The following VAT1L variants were observed in gnomAD, a reference collection of about 807,000 sequenced individuals.
The protein encoded by VAT1L is putative NADPH-dependent quinone oxidoreductase VAT1L.
VAT1L carries 34 observed loss-of-function variants against 44.1 expected under a neutral mutation model. The ratio of observed to expected loss-of-function variants is 0.77; its 90% CI spans 0.59 to 1.03. The LOEUF (loss-of-function observed/expected upper bound fraction) is 1.03. Ranked by LOEUF, VAT1L falls within the 50% of genes least tolerant of loss-of-function variation. The pLI is 0.00. For missense variants in VAT1L, 615 were observed against 538.8 expected (o/e 1.14, Z -1.40); for synonymous variants, 253 against 202.2 (o/e 1.25, Z -2.13).
At chr16:77,828,532 G>A (rs1010372627) in intron 3 of VAT1L, among the ~76,000 whole-genome samples, 14 of 152,278 alleles carry the variant, frequency 9.2e-5, no homozygotes, top group Non-Finnish European at 1.6e-4. Flanking sequence ...GCATGGTGGC[G>A]CATGCCTGTA....
At chr16:77,944,675 CATT>C (rs2017937060) in intron 7 of VAT1L, among the ~76,000 whole-genome samples, 1 of 152,094 alleles carries the variant, frequency 6.6e-6, no homozygotes, top group Non-Finnish European at 1.5e-5. Context: ...CAAACATAAT[CATT>C]ATCATCATTA....
At chr16:77,909,217 A>C (rs1216787299) in intron 7 of VAT1L, among the ~76,000 whole-genome samples, 6 of 152,210 alleles carry the variant, frequency 3.9e-5, no homozygotes. Context: ...ACACAGTAAG[A>C]CATGAAAGAC....
intron 7 of VAT1L, among the ~76,000 whole-genome samples, chr16:77,963,091 A>T (rs2018181257): frequency 6.6e-6 from 1 of 152,226 alleles, no homozygotes; most frequent in Non-Finnish European, 1.5e-5. Context: ...TCAGATGCTT[A>T]ACAGACATCT....
intron 3 of VAT1L, among the ~76,000 whole-genome samples, chr16:77,840,961 A>C (rs566091404): frequency 6.6e-6 from 1 of 152,318 alleles, no homozygotes; most frequent in Non-Finnish European, 1.5e-5. Context: ...CTTGTTATAC[A>C]CTTTTTCACT....
chr16:77,914,223 A>G (rs974477850), intron 7 of VAT1L, among the ~76,000 whole-genome samples: 2 of 152,260 alleles, frequency 1.3e-5, no homozygotes. Context: ...ATATAAACTA[A>G]TGATTTAAAA....
intron 7 of VAT1L, among the ~76,000 whole-genome samples, chr16:77,962,182 C>T (rs532125559): frequency 2.0e-4 from 30 of 152,250 alleles, no homozygotes; most frequent in Admixed American, 1.6e-3. Flanking sequence ...GATCCCAGCC[C>T]GTGGTCAGTC....
intron 1 of VAT1L, among the ~76,000 whole-genome samples, chr16:77,813,772 C>G (rs764105306): frequency 1.3e-5 from 2 of 152,164 alleles, no homozygotes; most frequent in African/African-American, 2.4e-5. Flanking sequence ...ACAGAGAACA[C>G]CCAGTTCTTG....
chr16:77,843,301 G>A (rs2016725717), intron 3 of VAT1L, among the ~76,000 whole-genome samples: 1 of 152,048 alleles, frequency 6.6e-6, no homozygotes, highest in Non-Finnish European at 1.5e-5. Flanking sequence ...GAGGGCAGGG[G>A]TGAAGCTCAT....
chr16:77,969,049 C>G (rs945046844), intron 7 of VAT1L, among the ~76,000 whole-genome samples: 1 of 152,138 alleles, frequency 6.6e-6, no homozygotes, highest in South Asian at 2.1e-4. Context: ...GAACTCCTAA[C>G]CTCAAGTGAT....
At chr16:77,801,931 C>T (rs967837476) in intron 1 of VAT1L, among the ~76,000 whole-genome samples, 2 of 152,140 alleles carry the variant, frequency 1.3e-5, no homozygotes, top group Admixed American at 6.5e-5. Context: ...TCTGACTCAA[C>T]GTTTTGCAGC....
At chr16:77,870,943 G>T (rs189567896) in intron 4 of VAT1L, among the ~76,000 whole-genome samples, 1 of 152,194 alleles carries the variant, frequency 6.6e-6, no homozygotes, top group East Asian at 1.9e-4. Flanking sequence ...ACTGAGGCAG[G>T]GTCAGTCCCA....
intron 4 of VAT1L, among the ~76,000 whole-genome samples, chr16:77,864,700 T>C (rs1212130150): frequency 3.9e-5 from 6 of 152,226 alleles, no homozygotes; most frequent in Non-Finnish European, 8.8e-5. Context: ...GTGATAGTTT[T>C]AGAACAGATT....
chr16:77,921,516 C>T (rs963459681), intron 7 of VAT1L, among the ~76,000 whole-genome samples: 13 of 152,160 alleles, frequency 8.5e-5, no homozygotes, highest in African/African-American at 2.7e-4. Flanking sequence ...TAATTAGTTA[C>T]ATTCCTATTT....
chr16:77,923,950 C>T (rs76662870), intron 7 of VAT1L, among the ~76,000 whole-genome samples: 1 of 150,882 alleles, frequency 6.6e-6, no homozygotes, highest in Non-Finnish European at 1.5e-5. Context: ...GGTCTGCCTT[C>T]CCCCCCTCCC....
At chr16:77,829,264 A>C (rs1353363578) in intron 3 of VAT1L, among the ~76,000 whole-genome samples, 1 of 152,192 alleles carries the variant, frequency 6.6e-6, no homozygotes, top group East Asian at 1.9e-4. Flanking sequence ...ATATTTGCTA[A>C]CTTGGTGTCG....
intron 2 of VAT1L, 54 bp from the exon 3 acceptor site, chr16:77,825,192 T>C: frequency 6.2e-7 from 1 of 1,600,320 alleles, no homozygotes; most frequent in Non-Finnish European, 8.6e-7. Context: ...TGTTCTCTCC[T>C]TGAGCCTCTG....
intron 7 of VAT1L, among the ~76,000 whole-genome samples, chr16:77,934,602 A>C (rs2017770557): frequency 2.0e-5 from 3 of 152,294 alleles, no homozygotes; most frequent in Non-Finnish European, 1.5e-5. Flanking sequence ...GGTTTAAGCC[A>C]CTAAGTCTGT....
chr16:77,851,888 T>C lies in VAT1L; in HGVS notation c.580-10860T>C, dbSNP rs183759338. 3.6e-4 allele frequency among the ~76,000 whole-genome samples: 55 copies of C among 152,270 alleles called. No homozygotes were observed. The East Asian group carries it at 9.7e-3, about 27-fold the overall frequency. On this transcript the variant is annotated intron_variant, in intron 3 of 8. Transcript: ENST00000302536. ...CGTGTTTCCCCAGTGCTGAGCGCCATCACACAGGACCCTCGGAGATTCTGC... is the reference window on the plus strand; with the variant it reads ...CGTGTTTCCCCAGTGCTGAGCGCCACCACACAGGACCCTCGGAGATTCTGC...
At chr16:77,939,402 G>C (rs867190385) in intron 7 of VAT1L, among the ~76,000 whole-genome samples, 2 of 152,146 alleles carry the variant, frequency 1.3e-5, no homozygotes, top group African/African-American at 4.8e-5. Flanking sequence ...GGGCGGGGTG[G>C]GGACGGTGGG....
Sources: allele counts gnomAD v4.1 joint callset (sites outside exome capture counted in the v4.1 genomes callset), GRCh38; gene constraint gnomAD v4.1.1; transcripts MANE v1.5; gene names NCBI Gene and HGNC (gene_info 2026-07-23, HGNC 2026-07-21).